GIPC2: variants seen among roughly 807,000 people sequenced by gnomAD.
The protein encoded by GIPC2 is GIPC PDZ domain containing family member 2.
A neutral mutation model predicts 30.6 loss-of-function variants in GIPC2; 30 were observed. The ratio of observed to expected loss-of-function variants is 0.98; its 90% CI spans 0.73 to 1.33. The LOEUF is 1.33. Among genes scored for constraint, GIPC2 ranks in the 40% most tolerant of loss-of-function variants. GIPC2 has a pLI of 0.00. For missense variants in GIPC2, 414 were observed against 390.3 expected (o/e 1.06, Z -0.51); for synonymous variants, 167 against 150.0 (o/e 1.11, Z -0.83).
At chr1:78,045,729 G>A, upstream of GIPC2, 2 of 985,478 alleles carry the variant, frequency 2.0e-6, no homozygotes, top group South Asian at 9.4e-5. Flanking sequence ...ACAGATTTAT[G>A]AAAAGCAGAG....
Position 78,119,462 on chromosome 1 carries a change from G to T in GIPC2, c.677G>T (p.Arg226Leu), listed in dbSNP as rs1488814325. 2 of 1,612,376 alleles carry T rather than the reference G, an allele frequency of 1.2e-6. No homozygotes were observed. Among genetic ancestry groups the T allele is most frequent in the Admixed American group, 3.3e-5 (2 of 59,982 alleles). ...ATTGGTTGTGGAAGGGCAACACTTC[G>T]CCTGAGATCAAAAGGTCCTGCCACC... ...EKIGCGRATL[R>L]LRSKGPATVE... The change falls in exon 4 of 6, where the codon CGC (arginine) becomes CTC (leucine). Residue 226 changes from arginine (R) to leucine (L), a missense_variant. By Grantham distance (102) the Arg-to-Leu change is moderately radical (BLOSUM62 -2). Coordinates refer to ENST00000370759, the MANE Select transcript of GIPC2 (RefSeq NM_017655.6).
At chr1:78,049,856 C>T (rs1661162046) in intron 1 of GIPC2, among the ~76,000 whole-genome samples, 1 of 150,568 alleles carries the variant, frequency 6.6e-6, no homozygotes, top group Non-Finnish European at 1.5e-5. Flanking sequence ...TTCTTGGTAG[C>T]TGCATTCAAA....
At position 78,096,992 on chromosome 1, in the gene GIPC2, G is replaced by T. The variant is rs181562883; in HGVS notation, c.607+1860G>T. ...GGGTTTCTTTCTTAAAAGTAAGCCT[G>T]GCTGCTCTGCCTGTCCTCCAGCCCT... is the stretch of plus-strand genomic sequence containing the variant. On this transcript the variant is annotated intron_variant, in intron 3 of 5. Coordinates refer to ENST00000370759, the MANE Select transcript of GIPC2 (RefSeq NM_017655.6). 2.1e-3 allele frequency among the ~76,000 whole-genome samples: 312 copies of T among 152,190 alleles called. 4 individuals carry two copies. Among genetic ancestry groups the T allele is most frequent in the African/African-American group, 6.7e-3 (280 of 41,528 alleles).
chr1:78,078,908 T>A (rs190464594), intron 1 of GIPC2, among the ~76,000 whole-genome samples: 1 of 151,598 alleles, frequency 6.6e-6, no homozygotes, highest in East Asian at 1.9e-4. Context: ...CTTCCCATCA[T>A]TTTGTGAAGG....
rs146944506 is a variant in GIPC2, at chr1:78,135,713, C to T, written c.918C>T (p.Val306=). The change falls in exon 6 of 6, where the codon GTC becomes GTT. Residue 306 remains valine (V), a synonymous_variant. Coordinates refer to ENST00000370759, the MANE Select transcript of GIPC2 (RefSeq NM_017655.6). Reference sequence around the variant, plus strand: ...AATTTGTCTTTGATGTTTGGGGAGTCATTGGTGATGCCAAACGAAGAGGAT... The same window carrying T: ...AATTTGTCTTTGATGTTTGGGGAGTTATTGGTGATGCCAAACGAAGAGGAT... ...PDEFVFDVWG[V]IGDAKRRGL 1 of 1,613,626 alleles carries T rather than the reference C, an allele frequency of 6.2e-7. No individual in the cohort carries two copies. Among genetic ancestry groups the T allele is most frequent in the Non-Finnish European group, 8.5e-7 (1 of 1,179,828 alleles).
intron 3 of GIPC2, 53 bp from the exon 4 acceptor site, chr1:78,119,340 C>A (rs1662634466): frequency 1.0e-6 from 1 of 959,328 alleles, no homozygotes; most frequent in Non-Finnish European, 1.7e-6. Flanking sequence ...TCACAGTAAT[C>A]TGTTGGGATG....
chr1:78,086,254 C>A (rs1000972593), intron 2 of GIPC2, among the ~76,000 whole-genome samples: 3 of 152,026 alleles, frequency 2.0e-5, no homozygotes, highest in African/African-American at 7.2e-5. Flanking sequence ...TTCTTGACTT[C>A]TATTTTTATT....
At chr1:78,083,299 A>C (rs576614494) in intron 2 of GIPC2, among the ~76,000 whole-genome samples, 1 of 152,136 alleles carries the variant, frequency 6.6e-6, no homozygotes, top group South Asian at 2.1e-4. Context: ...ATGTTTCCTC[A>C]TGTTGATAAA....
chr1:78,072,306 G>A (rs1661635573), intron 1 of GIPC2, among the ~76,000 whole-genome samples: 2 of 152,220 alleles, frequency 1.3e-5, no homozygotes, highest in South Asian at 2.1e-4. Flanking sequence ...TTCACTGGAA[G>A]TGGGAGCCAG....
chr1:78,105,228 T>G (rs1010635206), intron 3 of GIPC2, among the ~76,000 whole-genome samples: 1 of 152,098 alleles, frequency 6.6e-6, no homozygotes, highest in Non-Finnish European at 1.5e-5. Context: ...ACTAAAAACT[T>G]TGTAAGCTAT....
chr1:78,124,441 A>G (rs1662744774), intron 4 of GIPC2, among the ~76,000 whole-genome samples: 1 of 152,238 alleles, frequency 6.6e-6, no homozygotes, highest in Non-Finnish European at 1.5e-5. Context: ...AAAGTTAAAA[A>G]TACACAATAA....
intron 3 of GIPC2, among the ~76,000 whole-genome samples, chr1:78,098,679 T>G (rs1393225392): frequency 1.3e-5 from 2 of 151,614 alleles, no homozygotes; most frequent in African/African-American, 4.9e-5. Context: ...TTCACTACCT[T>G]AGAATGCAAC....
At chr1:78,072,641 C>T (rs1233919591) in intron 1 of GIPC2, among the ~76,000 whole-genome samples, 1 of 151,890 alleles carries the variant, frequency 6.6e-6, no homozygotes, top group African/African-American at 2.4e-5. Context: ...AGATGGAGGT[C>T]AAATAATTAT....
At chr1:78,070,143 C>A (rs1190129290) in intron 1 of GIPC2, among the ~76,000 whole-genome samples, 2 of 152,096 alleles carry the variant, frequency 1.3e-5, no homozygotes, top group Non-Finnish European at 2.9e-5. Flanking sequence ...TTTAAGGATC[C>A]TTTTGAGGTC....
chr1:78,086,016 A>G (rs1413978329), intron 2 of GIPC2, among the ~76,000 whole-genome samples: 1 of 149,406 alleles, frequency 6.7e-6, no homozygotes, highest in Non-Finnish European at 1.5e-5. Flanking sequence ...GATGTTAGGT[A>G]GTTAAGGTTT....
intron 1 of GIPC2, among the ~76,000 whole-genome samples, chr1:78,052,650 A>G (rs903612619): frequency 6.6e-6 from 1 of 152,196 alleles, no homozygotes; most frequent in African/African-American, 2.4e-5. Flanking sequence ...GGTATACAAC[A>G]CGATGTTTTG....
intron 1 of GIPC2, among the ~76,000 whole-genome samples, chr1:78,047,703 A>G (rs529314674): frequency 6.6e-6 from 1 of 152,282 alleles, no homozygotes; most frequent in African/African-American, 2.4e-5. Flanking sequence ...AGAGATTAGA[A>G]TATTTGTCTT....
At chr1:78,105,738 C>G (rs1662339316) in intron 3 of GIPC2, among the ~76,000 whole-genome samples, 1 of 152,030 alleles carries the variant, frequency 6.6e-6, no homozygotes, top group Non-Finnish European at 1.5e-5. Flanking sequence ...AGTGGCTTTT[C>G]TAATCTGAAT....
In GIPC2 at chr1:78,095,139, CAG is replaced by C; in HGVS notation, c.607+8_607+9del. 6.2e-7 allele frequency: 1 copy of C among 1,603,712 alleles called. No homozygotes were observed. The highest frequency in any genetic ancestry group is 8.5e-7 in the Non-Finnish European group (1 of 1,171,808). Reference sequence around the variant, plus strand: ...GAACCTAAGAAGGCATTTGGTAAGTCAGGGGTTGGTGGGCGGGTGTGTGAAAT... The same window carrying C: ...GAACCTAAGAAGGCATTTGGTAAGTCGGGTTGGTGGGCGGGTGTGTGAAAT... On this transcript the variant is annotated splice_region_variant and intron_variant, in intron 3 of 5. Coordinates refer to ENST00000370759, the MANE Select transcript of GIPC2 (RefSeq NM_017655.6).
Sources: gnomAD v4.1 joint callset for allele counts (sites outside exome capture counted in the v4.1 genomes callset) on GRCh38, gnomAD v4.1.1 for gene constraint, MANE v1.5 for transcripts, NCBI Gene and HGNC (gene_info 2026-07-23, HGNC 2026-07-21) for gene names.